The following CNTN3 variants were observed in gnomAD, a reference collection of about 807,000 sequenced individuals.
CNTN3 encodes the protein contactin-3.
A neutral mutation model predicts 119.1 loss-of-function variants in CNTN3; 60 were observed. The observed-to-expected ratio is 0.50, with a 90% CI of 0.41 to 0.62. The LOEUF is 0.62. CNTN3 is among the 20% of genes least tolerant of loss of function. The probability of loss-of-function intolerance (pLI) is 0.00; values close to 1 mark genes in which losing one functional copy is unlikely to be tolerated. For missense variants in CNTN3, 1,101 were observed against 1,242.4 expected (o/e 0.89, Z 1.71); for synonymous variants, 450 against 438.7 (o/e 1.03, Z -0.32).
At chr3:74,423,189 CTAAA>C (rs1347669203) in intron 5 of CNTN3, among the ~76,000 whole-genome samples, 1 of 152,092 alleles carries the variant, frequency 6.6e-6, no homozygotes, top group Non-Finnish European at 1.5e-5. Flanking sequence ...GAGCGGACCC[CTAAA>C]TAGAGTTTGG....
chr3:74,413,421 T>C (rs1354588134), intron 5 of CNTN3, among the ~76,000 whole-genome samples: 1 of 152,182 alleles, frequency 6.6e-6, no homozygotes, highest in Non-Finnish European at 1.5e-5. Context: ...ACAAAATGTG[T>C]CTGTGTCTAA....
At chr3:74,604,987 A>C (rs1575863542) in intron 1 of CNTN3, among the ~76,000 whole-genome samples, 2 of 152,196 alleles carry the variant, frequency 1.3e-5, no homozygotes, top group African/African-American at 4.8e-5. Flanking sequence ...AATTATTTCA[A>C]TTGTGACAGT....
At chr3:74,486,290 G>A (rs1702857472) in intron 4 of CNTN3, among the ~76,000 whole-genome samples, 166 bp downstream of exon 4, 1 of 151,474 alleles carries the variant, frequency 6.6e-6, no homozygotes, top group Non-Finnish European at 1.5e-5. Context: ...TTAAAGCTCT[G>A]ATTTGAACAC....
At chr3:74,293,988 A>G (rs1702284655) in intron 19 of CNTN3, among the ~76,000 whole-genome samples, 2 of 152,192 alleles carry the variant, frequency 1.3e-5, no homozygotes, top group South Asian at 2.1e-4. Flanking sequence ...TCAAACAAGA[A>G]TCTGACTTGC....
In CNTN3 at chr3:74,267,352, C is replaced by T. The variant is rs1701680750; in HGVS notation, c.2731G>A (p.Val911Ile). The T allele has an allele frequency of 1.2e-6, 2 of 1,613,056 alleles. No individual in the cohort carries two copies. Among genetic ancestry groups the T allele is most frequent in the Non-Finnish European group, 1.7e-6 (2 of 1,179,260 alleles). The change falls in exon 21 of 23, where the codon GTT becomes ATT. Residue 911 changes from valine to isoleucine, a missense_variant. Coordinates refer to ENST00000263665, the MANE Select transcript of CNTN3 (RefSeq NM_020872.3). ...ACTTTAGTGTCTGTGGCATTCCAAA[C>T]AACATTTCCTGGTGGCTGACTGGGA... is the stretch of plus-strand genomic sequence containing the variant. Reference protein sequence around the residue: ...TPPSQPPGNVVWNATDTKVLL... With the variant: ...TPPSQPPGNVIWNATDTKVLL...
intron 1 of CNTN3, among the ~76,000 whole-genome samples, chr3:74,559,371 G>A (rs564258209): frequency 1.3e-5 from 2 of 152,234 alleles, no homozygotes; most frequent in Admixed American, 1.3e-4. Context: ...CGCAGTGAAG[G>A]AGAAGCAATG....
chr3:74,418,146 T>C (rs1182684439), intron 5 of CNTN3, among the ~76,000 whole-genome samples: 2 of 152,204 alleles, frequency 1.3e-5, no homozygotes, highest in East Asian at 3.9e-4. Flanking sequence ...CTACACACAT[T>C]GACCTCTGAT....
intron 5 of CNTN3, among the ~76,000 whole-genome samples, chr3:74,407,264 ATTT>A (rs753215277): frequency 4.7e-5 from 5 of 105,562 alleles, no homozygotes; most frequent in Non-Finnish European, 5.4e-5. Context: ...CAAATATTCT[ATTT>A]TTTTTTTTTT....
chr3:74,325,048 T>C (rs1033932630), intron 13 of CNTN3, among the ~76,000 whole-genome samples: 2 of 152,178 alleles, frequency 1.3e-5, no homozygotes, highest in Non-Finnish European at 2.9e-5. Flanking sequence ...ATATGTACAA[T>C]TGTTGCATGT....
chr3:74,558,259 C>G (rs1373078940), intron 1 of CNTN3, among the ~76,000 whole-genome samples: 1 of 152,212 alleles, frequency 6.6e-6, no homozygotes, highest in Non-Finnish European at 1.5e-5. Context: ...CTTCCTCCCT[C>G]TTCTTAATCC....
chr3:74,588,208 C>T (rs1035611042), intron 1 of CNTN3, among the ~76,000 whole-genome samples: 51 of 152,138 alleles, frequency 3.4e-4, no homozygotes, highest in African/African-American at 1.2e-3. Context: ...AGGATTTTTG[C>T]ATCAATGTTC....
At chr3:74,560,245 T>G (rs899370648) in intron 1 of CNTN3, among the ~76,000 whole-genome samples, 1 of 152,170 alleles carries the variant, frequency 6.6e-6, no homozygotes, top group African/African-American at 2.4e-5. Context: ...GAGGATCAGA[T>G]AAGTTAATAC....
intron 4 of CNTN3, among the ~76,000 whole-genome samples, chr3:74,434,229 A>T (rs1221841174): frequency 6.6e-6 from 1 of 152,242 alleles, no homozygotes; most frequent in East Asian, 1.9e-4. Flanking sequence ...AGTGGGTACA[A>T]TATCCACTCT....
At chr3:74,407,435 A>ATTTTTTTT (rs372596619) in intron 5 of CNTN3, among the ~76,000 whole-genome samples, 1 of 136,496 alleles carries the variant, frequency 7.3e-6, no homozygotes, top group African/African-American at 2.7e-5. Flanking sequence ...CGCCTGGCTA[A>ATTTTTTTT]TTTTTTTTTT....
At chr3:74,283,021 T>C (rs1313373224) in intron 20 of CNTN3, among the ~76,000 whole-genome samples, 1 of 152,094 alleles carries the variant, frequency 6.6e-6, no homozygotes, top group Non-Finnish European at 1.5e-5. Context: ...AGTTGCTGGA[T>C]TTCCCATCAA....
chr3:74,312,455 C>CAAAAAAA (rs745514119), intron 13 of CNTN3, among the ~76,000 whole-genome samples: 4 of 27,804 alleles, frequency 1.4e-4, no homozygotes, highest in African/African-American at 5.1e-4. Context: ...GACTCCATCT[C>CAAAAAAA]AAAAAAAAAA....
intron 20 of CNTN3, among the ~76,000 whole-genome samples, chr3:74,282,885 T>C (rs1432860959): frequency 1.3e-5 from 2 of 152,176 alleles, no homozygotes; most frequent in Non-Finnish European, 2.9e-5. Context: ...GGGATTTTAA[T>C]GATCTATATG....
intron 1 of CNTN3, among the ~76,000 whole-genome samples, chr3:74,563,773 C>T (rs1398267588): frequency 6.6e-6 from 1 of 152,114 alleles, no homozygotes; most frequent in Admixed American, 6.6e-5. Flanking sequence ...ATTCACCACA[C>T]CATTTCCTGA....
At chr3:74,353,854 T>C (rs1703873557) in intron 11 of CNTN3, among the ~76,000 whole-genome samples, 1 of 152,132 alleles carries the variant, frequency 6.6e-6, no homozygotes, top group African/African-American at 2.4e-5. Flanking sequence ...CTGTGCACTT[T>C]AACAGATGAA....
Sources: gnomAD v4.1 joint callset for allele counts (sites outside exome capture counted in the v4.1 genomes callset) on GRCh38, gnomAD v4.1.1 for gene constraint, MANE v1.5 for transcripts, NCBI Gene and HGNC (gene_info 2026-07-23, HGNC 2026-07-21) for gene names.